Variants in ANKIB1 observed in about 807,000 individuals in gnomAD.
ANKIB1 encodes ankyrin repeat and IBR domain-containing protein 1.
Under a neutral mutation model 122.1 loss-of-function variants are expected in ANKIB1, and 43 were observed. The observed-to-expected ratio is 0.35, with a 90% CI of 0.28 to 0.45. ANKIB1 has a LOEUF of 0.45. Ranked by LOEUF, ANKIB1 falls within the 20% of genes least tolerant of loss-of-function variation. The pLI is 1.00. For missense variants in ANKIB1, 992 were observed against 1,329.5 expected (o/e 0.75, Z 3.95); for synonymous variants, 390 against 442.0 (o/e 0.88, Z 1.48).
chr7:92,280,514 C>T (rs982586868), intron 1 of ANKIB1, among the ~76,000 whole-genome samples: 1 of 144,156 alleles, frequency 6.9e-6, no homozygotes, highest in Non-Finnish European at 1.5e-5. Flanking sequence ...GTTGATTTAA[C>T]CTTTATCCCT....
intron 1 of ANKIB1, among the ~76,000 whole-genome samples, chr7:92,293,227 T>C (rs10953069): frequency 0.094 from 14,286 of 152,220 alleles, 888 homozygotes; most frequent in East Asian, 0.36. Flanking sequence ...ATTTTTGTTA[T>C]GAGATGTAGT....
At chr7:92,254,358 T>C (rs914759710) in intron 1 of ANKIB1, among the ~76,000 whole-genome samples, 1 of 152,242 alleles carries the variant, frequency 6.6e-6, no homozygotes, top group Non-Finnish European at 1.5e-5. Context: ...AATAATATTG[T>C]AATTAATATC....
rs1376515990 is a variant in ANKIB1, at chr7:92,349,585, T to TCTA, written c.1086-1365_1086-1364insCTA. 4.6e-5 allele frequency among the ~76,000 whole-genome samples: 7 copies of TCTA among 152,298 alleles called. No homozygotes were observed. The East Asian group carries it at 1.3e-3, about 29-fold the overall frequency. On this transcript the variant is annotated intron_variant, in intron 7 of 19. Transcript: ENST00000265742. ...GTTTTCCATTTATTTTCTCTAGATT[T>TCTA]AAGTGTTAAATTCAATATACAGTAA...
At chr7:92,387,500 G>A (rs1804682957) in intron 12 of ANKIB1, among the ~76,000 whole-genome samples, 1 of 152,024 alleles carries the variant, frequency 6.6e-6, no homozygotes, top group Non-Finnish European at 1.5e-5. Context: ...CCCAGGCATG[G>A]TGGTGGGCTC....
At chr7:92,276,073 A>G (rs1255890047) in intron 1 of ANKIB1, among the ~76,000 whole-genome samples, 1 of 152,212 alleles carries the variant, frequency 6.6e-6, no homozygotes, top group African/African-American at 2.4e-5. Flanking sequence ...ATAGATGCAC[A>G]CTGATCTTTT....
intron 11 of ANKIB1, among the ~76,000 whole-genome samples, chr7:92,377,272 G>A (rs972017867): frequency 1.3e-5 from 2 of 152,040 alleles, no homozygotes; most frequent in African/African-American, 2.4e-5. Flanking sequence ...AGGAGAGGGA[G>A]ACAGACAGAG....
chr7:92,250,874 A>G (rs1801316305), intron 1 of ANKIB1, among the ~76,000 whole-genome samples: 1 of 152,104 alleles, frequency 6.6e-6, no homozygotes, highest in Admixed American at 6.5e-5. Flanking sequence ...TATCCTCAAC[A>G]TTTTATTCTA....
At chr7:92,290,969 A>G (rs1007484281) in intron 1 of ANKIB1, among the ~76,000 whole-genome samples, 2 of 152,166 alleles carry the variant, frequency 1.3e-5, no homozygotes, top group Non-Finnish European at 2.9e-5. Flanking sequence ...GAGTGATTAT[A>G]GAATTTATTG....
At chr7:92,366,865 G>A (rs139348711) in intron 10 of ANKIB1, among the ~76,000 whole-genome samples, 1 of 152,226 alleles carries the variant, frequency 6.6e-6, no homozygotes, top group Non-Finnish European at 1.5e-5. Context: ...TTTAAAGCAA[G>A]TATTTTTAAA....
At chr7:92,363,745 G>A (rs1804006604) in intron 10 of ANKIB1, among the ~76,000 whole-genome samples, 1 of 152,214 alleles carries the variant, frequency 6.6e-6, no homozygotes, top group Admixed American at 6.5e-5. Context: ...TATATCAGGG[G>A]ATTTACCACT....
At chr7:92,368,832 G>C (rs185145204) in intron 10 of ANKIB1, among the ~76,000 whole-genome samples, 7 of 152,236 alleles carry the variant, frequency 4.6e-5, no homozygotes, top group African/African-American at 1.4e-4. Context: ...GTAATAGTTG[G>C]TTATTCCCTG....
chr7:92,377,061 G>A (rs930340833), intron 11 of ANKIB1, among the ~76,000 whole-genome samples: 8 of 152,032 alleles, frequency 5.3e-5, no homozygotes, highest in African/African-American at 1.9e-4. Context: ...TTCCCAATTT[G>A]GCTAACTGAC....
chr7:92,352,799 TTGTGTGC>T, intron 9 of ANKIB1, among the ~76,000 whole-genome samples, 157 bp downstream of exon 9: 1 of 152,218 alleles, frequency 6.6e-6, no homozygotes, highest in African/African-American at 2.4e-5. Context: ...TTCATATTTG[TTGTGTGC>T]TTAGTGTGTG....
At chr7:92,347,368 G>A (rs569192909) in intron 7 of ANKIB1, among the ~76,000 whole-genome samples, 5 of 152,090 alleles carry the variant, frequency 3.3e-5, no homozygotes, top group Non-Finnish European at 7.4e-5. Context: ...GCCCAAGACA[G>A]TTCTTCTTCC....
At chr7:92,262,381 GAAAAA>G (rs749797087) in intron 1 of ANKIB1, among the ~76,000 whole-genome samples, 9 of 151,998 alleles carry the variant, frequency 5.9e-5, no homozygotes, top group Non-Finnish European at 1.0e-4. Flanking sequence ...TACCCTGTAG[GAAAAA>G]AAGCCTGGGT....
At chr7:92,267,455 C>T (rs1417692696) in intron 1 of ANKIB1, among the ~76,000 whole-genome samples, 1 of 152,128 alleles carries the variant, frequency 6.6e-6, no homozygotes, top group Non-Finnish European at 1.5e-5. Flanking sequence ...TGTGGTTCTT[C>T]ATATAAGGTG....
chr7:92,389,738 TC>T (rs1481738631), intron 14 of ANKIB1, among the ~76,000 whole-genome samples: 1 of 152,154 alleles, frequency 6.6e-6, no homozygotes, highest in Non-Finnish European at 1.5e-5. Flanking sequence ...CCATCAGTGT[TC>T]CTGGGCTGCT....
rs1481931403 is a variant in ANKIB1, at chr7:92,293,235, A to G, written c.-90-1654A>G. Among the ~76,000 whole-genome samples the G allele has an allele frequency of 3.9e-5, 6 of 152,208 alleles. No individual in the cohort carries two copies. In the East Asian group the frequency reaches 5.8e-4, roughly 15 times the overall value. ...GACTCTGATTTTTGTTATGAGATGTAGTTTGGTCAGTAGAACTCTGAAGTT... is the reference window on the plus strand; with the variant it reads ...GACTCTGATTTTTGTTATGAGATGTGGTTTGGTCAGTAGAACTCTGAAGTT... On this transcript the variant is annotated intron_variant, in intron 1 of 19. Transcript: ENST00000265742.
At chr7:92,387,647 AAC>A in intron 12 of ANKIB1, 149 bp from the exon 13 acceptor site, 1 of 627,756 alleles carries the variant, frequency 1.6e-6, no homozygotes, top group Admixed American at 3.1e-5. Flanking sequence ...AAAAAAAAAA[AAC>A]AAGTATTGTT....
Sources: allele counts gnomAD v4.1 joint callset (sites outside exome capture counted in the v4.1 genomes callset), GRCh38; gene constraint gnomAD v4.1.1; transcripts MANE v1.5; gene names NCBI Gene and HGNC (gene_info 2026-07-23, HGNC 2026-07-21).